Variants in CPQ observed in about 807,000 individuals in gnomAD.
CPQ encodes Ser-Met dipeptidase.
CPQ carries 37 observed loss-of-function variants against 45.7 expected under a neutral mutation model. The observed-to-expected ratio is 0.81, with a 90% CI of 0.62 to 1.07. The LOEUF (loss-of-function observed/expected upper bound fraction) is 1.07, where lower values mean the gene tolerates loss of function less well. CPQ is among the 50% of genes least tolerant of loss of function. The pLI is 0.00. For synonymous variants in CPQ, 186 were observed against 205.8 expected, an observed-to-expected ratio of 0.90 and a Z score of 0.82; for missense variants, 537 against 572.9, an observed-to-expected ratio of 0.94 and a Z score of 0.64.
At chr8:97,010,016 A>T (rs1809456502) in intron 5 of CPQ, among the ~76,000 whole-genome samples, 1 of 152,172 alleles carries the variant, frequency 6.6e-6, no homozygotes, top group African/African-American at 2.4e-5. Context: ...GAAAACTTGA[A>T]GAGGGGTTAG....
chr8:97,087,756 A>C (rs1038023445), intron 7 of CPQ, among the ~76,000 whole-genome samples: 8 of 152,204 alleles, frequency 5.3e-5, no homozygotes, highest in African/African-American at 1.9e-4. Flanking sequence ...TGAAAGATTA[A>C]TTTGAAAAGA....
At chr8:97,021,840 T>A (rs1190080099) in intron 5 of CPQ, among the ~76,000 whole-genome samples, 1 of 152,164 alleles carries the variant, frequency 6.6e-6, no homozygotes, top group African/African-American at 2.4e-5. Flanking sequence ...ACCATCATTC[T>A]TCACAGAATT....
At chr8:96,788,338 T>G (rs911408242) in intron 2 of CPQ, among the ~76,000 whole-genome samples, 2 of 152,044 alleles carry the variant, frequency 1.3e-5, no homozygotes, top group Admixed American at 6.6e-5. Context: ...TTTTGTATTT[T>G]TAGTAGAGAT....
chr8:96,992,009 C>T (rs1180000124), intron 5 of CPQ, among the ~76,000 whole-genome samples: 1 of 152,138 alleles, frequency 6.6e-6, no homozygotes, highest in Non-Finnish European at 1.5e-5. Flanking sequence ...CAGTACTTGG[C>T]CACAGAGTGG....
chr8:96,998,963 G>A (rs555586170), intron 5 of CPQ, among the ~76,000 whole-genome samples: 3 of 152,064 alleles, frequency 2.0e-5, no homozygotes, highest in African/African-American at 4.8e-5. Context: ...TGATACTAGC[G>A]TAGCAAAAGC....
At chr8:96,987,450 AAG>A (rs1270711912) in intron 5 of CPQ, among the ~76,000 whole-genome samples, 1 of 152,168 alleles carries the variant, frequency 6.6e-6, no homozygotes, top group Non-Finnish European at 1.5e-5. Context: ...GAAAGGAAAG[AAG>A]AGAGAGAGAA....
chr8:96,840,734 A>G (rs952975814), intron 3 of CPQ, among the ~76,000 whole-genome samples: 1 of 152,228 alleles, frequency 6.6e-6, no homozygotes, highest in African/African-American at 2.4e-5. Flanking sequence ...AGCAGGAGGC[A>G]TAGTATGAGA....
chr8:96,646,661 G>A (rs1372846661), intron 1 of CPQ, among the ~76,000 whole-genome samples: 1 of 152,154 alleles, frequency 6.6e-6, no homozygotes, highest in Admixed American at 6.5e-5. Flanking sequence ...CCTTGGACTT[G>A]CCACTTGATC....
Position 97,038,353 on chromosome 8 carries a change from CTTCTGGCACAAATAGT to C in CPQ, c.1053+8865_1053+8880del, listed in dbSNP as rs570877535. Among the ~76,000 whole-genome samples the C allele has an allele frequency of 1.7e-3, 253 of 152,300 alleles. 3 individuals are homozygous for C. Among genetic ancestry groups the C allele is most frequent in the Admixed American group, 0.013 (196 of 15,306 alleles). On this transcript the variant is annotated intron_variant, in intron 6 of 7. Transcript: ENST00000220763. ...GTTTTACCAGCTTACAGGAGAGTGC[CTTCTGGCACAAATAGT>C]TTCTGCCTCAGTGCCTCCCTACTCC...
chr8:96,843,497 C>T (rs939145030), intron 3 of CPQ, among the ~76,000 whole-genome samples: 2 of 152,190 alleles, frequency 1.3e-5, no homozygotes, highest in Non-Finnish European at 2.9e-5. Flanking sequence ...GGTTGGGAGA[C>T]AAACCCTATG....
At chr8:97,096,181 A>G (rs1811207936) in intron 7 of CPQ, among the ~76,000 whole-genome samples, 1 of 152,152 alleles carries the variant, frequency 6.6e-6, no homozygotes, top group African/African-American at 2.4e-5. Flanking sequence ...GGGTAAGGAA[A>G]CTAACACTGA....
chr8:96,892,732 G>C (rs7846244), intron 4 of CPQ, among the ~76,000 whole-genome samples: 2 of 152,120 alleles, frequency 1.3e-5, no homozygotes, highest in African/African-American at 4.8e-5. Context: ...ACAGCAAATG[G>C]AAATAGCTGA....
At chr8:97,061,302 T>C (rs1416274307) in intron 6 of CPQ, among the ~76,000 whole-genome samples, 2 of 152,206 alleles carry the variant, frequency 1.3e-5, no homozygotes, top group Admixed American at 6.6e-5. Context: ...AACAAATTAC[T>C]TTTTTAGCAG....
At chr8:96,855,005 A>AT (rs1355668925) in intron 3 of CPQ, among the ~76,000 whole-genome samples, 3 of 152,186 alleles carry the variant, frequency 2.0e-5, no homozygotes, top group African/African-American at 7.2e-5. Flanking sequence ...TGGGGTCCAT[A>AT]TAAAACATTC....
intron 1 of CPQ, among the ~76,000 whole-genome samples, chr8:96,701,468 T>C (rs1410037334): frequency 2.0e-5 from 3 of 152,204 alleles, no homozygotes; most frequent in African/African-American, 7.2e-5. Flanking sequence ...TTTGATGTTT[T>C]CTAAATCCCA....
intron 1 of CPQ, among the ~76,000 whole-genome samples, chr8:96,688,580 A>G (rs1210333686): frequency 6.6e-6 from 1 of 152,134 alleles, no homozygotes; most frequent in Non-Finnish European, 1.5e-5. Flanking sequence ...TTATAATTAT[A>G]TCTTTATGTG....
chr8:96,893,603 A>T (rs1812404992), intron 4 of CPQ, among the ~76,000 whole-genome samples: 2 of 152,220 alleles, frequency 1.3e-5, no homozygotes, highest in South Asian at 4.1e-4. Flanking sequence ...AAGATGAGGA[A>T]GCTGAGATTC....
chr8:96,970,442 C>T lies in CPQ; in HGVS notation c.961+4396C>T, dbSNP rs544291929. On this transcript the variant is annotated intron_variant, in intron 5 of 7. Coordinates refer to ENST00000220763, the MANE Select transcript of CPQ (RefSeq NM_016134.4). ...AAATAAACCCAAGCAGTAGGTAACT[C>T]GTGTTATATTCATTTTACAGAAGAG... Among the ~76,000 whole-genome samples the T allele has an allele frequency of 5.9e-5, 9 of 152,186 alleles. No individual in the cohort carries two copies. In the South Asian group the frequency reaches 1.0e-3, roughly 18 times the overall value.
At chr8:96,943,707 G>T (rs958077797) in intron 4 of CPQ, among the ~76,000 whole-genome samples, 1 of 152,120 alleles carries the variant, frequency 6.6e-6, no homozygotes, top group Non-Finnish European at 1.5e-5. Context: ...GAAGGGCATC[G>T]TGGGGTCATA....
Sources: allele counts gnomAD v4.1 joint callset (sites outside exome capture counted in the v4.1 genomes callset), GRCh38; gene constraint gnomAD v4.1.1; transcripts MANE v1.5; gene names NCBI Gene and HGNC (gene_info 2026-07-23, HGNC 2026-07-21).